ABCB1: variants seen among roughly 807,000 people sequenced by gnomAD.
ABCB1 encodes the protein ATP-dependent translocase ABCB1.
Under a neutral mutation model 142.0 loss-of-function variants are expected in ABCB1, and 69 were observed. The ratio of observed to expected loss-of-function variants is 0.49; its 90% confidence interval spans 0.40 to 0.59. The LOEUF (loss-of-function observed/expected upper bound fraction) is 0.59. Ranked by LOEUF, ABCB1 falls within the 20% of genes least tolerant of loss-of-function variation. ABCB1 has a pLI of 0.00. For missense variants in ABCB1, 1,326 were observed against 1,554.7 expected, an observed-to-expected ratio of 0.85 and a Z score of 2.47; for synonymous variants, 532 against 539.2, an observed-to-expected ratio of 0.99 and a Z score of 0.18.
At chr7:87,667,593 C>T (rs1825393325) in intron 1 of ABCB1, among the ~76,000 whole-genome samples, 1 of 152,046 alleles carries the variant, frequency 6.6e-6, no homozygotes, top group Admixed American at 6.6e-5. Context: ...CTGGCTTTTG[C>T]CCATTCAGCA....
intron 1 of ABCB1, among the ~76,000 whole-genome samples, chr7:87,706,009 C>T (rs977963380): frequency 3.9e-5 from 6 of 151,920 alleles, no homozygotes; most frequent in Admixed American, 1.3e-4. Flanking sequence ...GAGGGATTGT[C>T]CCCCCATTTT....
At chr7:87,694,081 T>C in intron 1 of ABCB1, 2 of 1,516,160 alleles carry the variant, frequency 1.3e-6, no homozygotes, top group Non-Finnish European at 1.7e-6. Flanking sequence ...TTGTAAAGCC[T>C]TCTTTTTTGT....
chr7:87,644,723 A>G (rs1287371461), intron 1 of ABCB1, among the ~76,000 whole-genome samples: 1 of 152,004 alleles, frequency 6.6e-6, no homozygotes, highest in Non-Finnish European at 1.5e-5. Flanking sequence ...AGGGATAGGA[A>G]TATAATTTTT....
At position 87,587,791 on chromosome 7, in the gene ABCB1, T is replaced by A. The variant is rs1349324083; in HGVS notation, c.118-2111A>T. ...TCAGGAGGCTGAGGCAGGAGAATGGTGTGAACCTGGGAGGCGGAGCTTGCA... is the reference window on the plus strand; with the variant it reads ...TCAGGAGGCTGAGGCAGGAGAATGGAGTGAACCTGGGAGGCGGAGCTTGCA... On this transcript the variant is annotated intron_variant, in intron 3 of 27. Coordinates refer to ENST00000622132, the MANE Select transcript of ABCB1 (RefSeq NM_001348946.2). 2.0e-5 allele frequency among the ~76,000 whole-genome samples: 3 copies of A among 147,298 alleles called. No individual in the cohort carries two copies. In the Admixed American group the frequency reaches 2.1e-4, roughly 10 times the overall value.
At chr7:87,543,040 G>A (rs528490424) in intron 17 of ABCB1, among the ~76,000 whole-genome samples, 1 of 152,236 alleles carries the variant, frequency 6.6e-6, no homozygotes, top group South Asian at 2.1e-4. Context: ...AATTCTAGAG[G>A]CCAGGCATGG....
chr7:87,504,497 A>G, intron 27 of ABCB1, 48 bp from the exon 28 acceptor site: 1 of 1,606,878 alleles, frequency 6.2e-7, no homozygotes, highest in Middle Eastern at 1.8e-4. Flanking sequence ...TCTTTTCCCT[A>G]ATTCCTCTTC....
At chr7:87,592,159 T>C (rs932035218) in intron 3 of ABCB1, among the ~76,000 whole-genome samples, 2 of 152,126 alleles carry the variant, frequency 1.3e-5, no homozygotes, top group Non-Finnish European at 2.9e-5. Flanking sequence ...GGTGGCTCCA[T>C]GAAGGGCATC....
intron 2 of ABCB1, among the ~76,000 whole-genome samples, chr7:87,599,734 A>G (rs1819366959): frequency 6.6e-6 from 1 of 152,242 alleles, no homozygotes; most frequent in African/African-American, 2.4e-5. Context: ...TGTATATTTC[A>G]AAGTAGCTAG....
chr7:87,705,990 A>G (rs1585156459), intron 1 of ABCB1, among the ~76,000 whole-genome samples: 2 of 152,066 alleles, frequency 1.3e-5, no homozygotes, highest in Middle Eastern at 3.4e-3. Context: ...GTCTTCTTGT[A>G]TATTTTGTGA....
At chr7:87,522,530 G>A in intron 21 of ABCB1, 1 of 481,102 alleles carries the variant, frequency 2.1e-6, no homozygotes, top group Non-Finnish European at 4.1e-6. Context: ...CAGGGCCTAA[G>A]TGCTACAAGA....
intron 23 of ABCB1, among the ~76,000 whole-genome samples, 169 bp downstream of exon 23, chr7:87,519,157 A>AG (rs1584840322): frequency 6.6e-6 from 1 of 152,328 alleles, no homozygotes; most frequent in East Asian, 1.9e-4. Flanking sequence ...TCCAAATGAA[A>AG]GGGGGTGCTT....
chr7:87,580,256 G>A (rs1050828355), intron 4 of ABCB1, among the ~76,000 whole-genome samples: 1 of 152,066 alleles, frequency 6.6e-6, no homozygotes, highest in African/African-American at 2.4e-5. Context: ...AAATCCCTCA[G>A]CTTTTGTTCA....
chr7:87,673,156 T>C (rs1335842446), intron 1 of ABCB1, among the ~76,000 whole-genome samples: 2 of 152,196 alleles, frequency 1.3e-5, no homozygotes, highest in Non-Finnish European at 2.9e-5. Flanking sequence ...CATTTTTTCT[T>C]TCATTTTGAC....
intron 1 of ABCB1, among the ~76,000 whole-genome samples, chr7:87,608,734 G>A (rs1418939331): frequency 6.6e-6 from 1 of 152,132 alleles, no homozygotes; most frequent in African/African-American, 2.4e-5. Context: ...TCTCCCAGGA[G>A]CAAGGTCAAG....
intron 1 of ABCB1, among the ~76,000 whole-genome samples, chr7:87,638,537 C>T (rs1822075588): frequency 6.6e-6 from 1 of 151,932 alleles, no homozygotes; most frequent in Non-Finnish European, 1.5e-5. Context: ...CTGAACAATT[C>T]AGATTTCCTG....
intron 14 of ABCB1, among the ~76,000 whole-genome samples, chr7:87,546,288 A>G (rs145311926): frequency 2.6e-5 from 4 of 152,364 alleles, no homozygotes; most frequent in South Asian, 4.1e-4. Flanking sequence ...CTAAATTTGC[A>G]GTAATAATCA....
rs1817384875 is a variant in ABCB1 at position 87,558,153 on chromosome 7, T to C, written c.827+3110A>G. 2.6e-5 allele frequency among the ~76,000 whole-genome samples: 4 copies of C among 152,264 alleles called. 1 individual carries two copies. The highest frequency in any genetic ancestry group is 9.6e-5 in the African/African-American group (4 of 41,574). On this transcript the variant is annotated intron_variant, in intron 8 of 27. Transcript: ENST00000622132. ...AAAAACAACTAGACACATAATTTAA[T>C]GTAAGGTGGTCTCAGGTTAGCAGTG...
chr7:87,570,946 T>C (rs1366701315), intron 4 of ABCB1, among the ~76,000 whole-genome samples: 1 of 152,188 alleles, frequency 6.6e-6, no homozygotes, highest in Non-Finnish European at 1.5e-5. Flanking sequence ...TATATATATG[T>C]GTGTATCTAT....
intron 19 of ABCB1, among the ~76,000 whole-genome samples, chr7:87,537,349 T>C (rs572156308): frequency 2.0e-5 from 3 of 152,344 alleles, no homozygotes; most frequent in African/African-American, 7.2e-5. Flanking sequence ...TCAGCAGGTT[T>C]GGGCAGTGGG....
Sources: gnomAD v4.1 joint callset for allele counts (sites outside exome capture counted in the v4.1 genomes callset) on GRCh38, gnomAD v4.1.1 for gene constraint, MANE v1.5 for transcripts, NCBI Gene and HGNC (gene_info 2026-07-23, HGNC 2026-07-21) for gene names.